PHRF1: variants seen among roughly 807,000 people sequenced by gnomAD.
The protein encoded by PHRF1 is PHD and RING finger domain-containing protein 1.
In PHRF1, 53 loss-of-function variants were observed where a neutral mutation model predicts 128.9. That is an observed-to-expected ratio of 0.41 (90% CI 0.33 to 0.52). PHRF1 has a LOEUF of 0.52. Ranked by LOEUF, PHRF1 falls within the 20% of genes least tolerant of loss-of-function variation. PHRF1 has a pLI of 0.21. For synonymous variants in PHRF1, 1,178 were observed against 980.6 expected (o/e 1.20, Z -3.76); for missense variants, 2,503 against 2,284.5 (o/e 1.10, Z -1.95).
At chr11:579,354 C>A (rs114206266) in intron 1 of PHRF1, among the ~76,000 whole-genome samples, 1 of 152,048 alleles carries the variant, frequency 6.6e-6, no homozygotes, top group East Asian at 1.9e-4. Context: ...AGATATGTTT[C>A]TCCAGGGCAG....
At chr11:581,655 C>T (rs780940957) in intron 2 of PHRF1, 49 bp downstream of exon 2, 3 of 1,519,480 alleles carry the variant, frequency 2.0e-6, no homozygotes, top group African/African-American at 1.4e-5. Context: ...GAGCAGGGTG[C>T]CTGGTGTTTC....
In PHRF1 at chr11:611,870, G is replaced by T; in HGVS notation, c.*93G>T. The stretch of plus-strand genomic sequence containing the variant: ...GAGCTGTCGGGAGTGGCGGGAATCG[G>T]GGCCATGCCCGGGGAGCTGTCGGGA... On this transcript the variant is annotated 3_prime_UTR_variant, in exon 18 of 18. Transcript: ENST00000264555. The T allele has an allele frequency of 6.7e-7, 1 of 1,492,446 alleles. No individual in the cohort carries two copies. The highest frequency in any genetic ancestry group is 2.2e-5 in the Admixed American group (1 of 45,726). The allele number at this position is 1,492,446 out of a possible 1,614,324, so 92.5% of individuals were successfully genotyped here.
In PHRF1 at chr11:597,585, C is replaced by G; in HGVS notation, c.894+15C>G. 6.2e-7 allele frequency: 1 copy of G among 1,605,728 alleles called. No individual in the cohort carries two copies. Among genetic ancestry groups the G allele is most frequent in the Non-Finnish European group, 8.5e-7 (1 of 1,176,902 alleles). ...GGAGGGTCCAGGTGGGTGGCCCAGCCCTGACGCCAGTCGTAGAACCCCAGC... is the reference window on the plus strand; with the variant it reads ...GGAGGGTCCAGGTGGGTGGCCCAGCGCTGACGCCAGTCGTAGAACCCCAGC... On this transcript the variant is annotated intron_variant, in intron 8 of 17. Transcript: ENST00000264555. The surrounding 1 kb of genome is among the most constrained non-coding windows in gnomAD (Gnocchi z 6.5).
chr11:611,594 G>A (rs974913242), intron 17 of PHRF1, 40 bp from the exon 18 acceptor site: 3 of 1,612,078 alleles, frequency 1.9e-6, no homozygotes, highest in East Asian at 4.5e-5. Flanking sequence ...GGAACATCTG[G>A]ATGTGAAAGG....
chr11:605,511 T>C (rs1855888434), intron 11 of PHRF1, 94 bp from the exon 12 acceptor site: 3 of 1,547,390 alleles, frequency 1.9e-6, no homozygotes, highest in African/African-American at 1.4e-5. Flanking sequence ...ACATGGCCAG[T>C]GCTCGGCCAT....
In PHRF1 at chr11:592,181, C is replaced by G. The variant is rs547055029; in HGVS notation, c.505-378C>G. 3.3e-5 allele frequency among the ~76,000 whole-genome samples: 5 copies of G among 151,408 alleles called. No individual in the cohort carries two copies. The East Asian group carries it at 9.7e-4, about 29-fold the overall frequency. ...CCACCCACCTCGGCCTCCCAAAGTG[C>G]TGGGATTACAGGCGTGAGCCAACGT... On this transcript the variant is annotated intron_variant, in intron 5 of 17. Transcript: ENST00000264555.
intron 15 of PHRF1, 26 bp downstream of exon 15, chr11:610,373 G>A (rs1589908960): frequency 6.5e-7 from 1 of 1,542,442 alleles, no homozygotes; most frequent in African/African-American, 1.4e-5. Context: ...GGAGGGCTGT[G>A]GGCCGTGGGC....
chr11:592,794 C>A (rs1373342018), intron 6 of PHRF1, 120 bp downstream of exon 6: 1 of 1,088,926 alleles, frequency 9.2e-7, no homozygotes, highest in Non-Finnish European at 1.4e-6. Flanking sequence ...GAGCTGTGCT[C>A]ACCACCCTCA....
intron 10 of PHRF1, among the ~76,000 whole-genome samples, chr11:602,438 TG>T (rs1463394740): frequency 1.3e-5 from 2 of 152,022 alleles, no homozygotes; most frequent in Non-Finnish European, 1.5e-5. Context: ...CCCACCACTT[TG>T]GGGGGCTGAG....
intron 1 of PHRF1, among the ~76,000 whole-genome samples, chr11:579,006 A>AT (rs1398470910): frequency 6.6e-6 from 1 of 152,008 alleles, no homozygotes; most frequent in Non-Finnish European, 1.5e-5. Flanking sequence ...TGCCCGGCTC[A>AT]TTTTTTCTAT....
chr11:586,606 G>A (rs572964069), intron 3 of PHRF1, among the ~76,000 whole-genome samples: 2 of 152,178 alleles, frequency 1.3e-5, no homozygotes, highest in Admixed American at 6.5e-5. Context: ...TTGGAGTTTG[G>A]TACAAAGAAG....
chr11:584,554 G>A (rs1297863597), intron 3 of PHRF1, among the ~76,000 whole-genome samples: 1 of 152,118 alleles, frequency 6.6e-6, no homozygotes, highest in African/African-American at 2.4e-5. Context: ...CACCTGAGGG[G>A]CAGGAGGAGG....
In PHRF1 at chr11:607,747, C is replaced by T; in HGVS notation, c.2291C>T (p.Pro764Leu). Residue 764 changes from proline (P) to leucine (L), a missense_variant, in exon 14 of 18, where the codon CCA becomes CTA. Transcript: ENST00000264555. Reference sequence around the variant, plus strand: ...CATGGCAGTTTGGCCCCACTGGGACCATCAAGAGGGAAAGGGGTCGGGTCG... The same window carrying T: ...CATGGCAGTTTGGCCCCACTGGGACTATCAAGAGGGAAAGGGGTCGGGTCG... ...SSHGSLAPLG[P>L]SRGKGVGSTF... 1 of 1,612,364 alleles carries T rather than the reference C, an allele frequency of 6.2e-7. No individual in the cohort carries two copies. The highest frequency in any genetic ancestry group is 8.5e-7 in the Non-Finnish European group (1 of 1,179,640).
Position 597,626 on chromosome 11 carries a change from C to G in PHRF1, c.894+56C>G. ...GAACCCCAGCTGCCCAGAGTGATCT[C>G]GGCAGTCTGGGTGGGTGGGAGGGGC... On this transcript the variant is annotated intron_variant, in intron 8 of 17. Coordinates refer to ENST00000264555, the MANE Select transcript of PHRF1 (RefSeq NM_001286581.2). The surrounding 1 kb of genome is among the most constrained non-coding windows in gnomAD (Gnocchi z 6.5). 8.7e-6 allele frequency: 12 copies of G among 1,376,130 alleles called. No individual in the cohort carries two copies. Among genetic ancestry groups the G allele is most frequent in the South Asian group, 1.2e-5 (1 of 80,582 alleles). The allele number at this position is 1,376,130 out of a possible 1,614,324, so 85.2% of individuals were successfully genotyped here.
At chr11:593,929 A>G (rs1855131981) in intron 6 of PHRF1, among the ~76,000 whole-genome samples, 1 of 152,042 alleles carries the variant, frequency 6.6e-6, no homozygotes, top group Middle Eastern at 3.2e-3. Context: ...TCACCTCCTC[A>G]GGGTTCCTGG....
chr11:588,164 C>T (rs1439107371), intron 4 of PHRF1, among the ~76,000 whole-genome samples: 1 of 152,178 alleles, frequency 6.6e-6, no homozygotes, highest in Non-Finnish European at 1.5e-5. Context: ...ACCGTGACCT[C>T]ACCCAGGGTT....
intron 1 of PHRF1, among the ~76,000 whole-genome samples, chr11:580,249 G>A (rs1215510821): frequency 2.0e-5 from 3 of 152,220 alleles, no homozygotes; most frequent in African/African-American, 7.2e-5. Context: ...AATGAACCAC[G>A]TGCACGTATC....
intron 3 of PHRF1, 81 bp from the exon 4 acceptor site, chr11:587,178 G>A (rs1564842519): frequency 8.6e-6 from 12 of 1,389,720 alleles, no homozygotes; most frequent in African/African-American, 1.4e-5. Context: ...TGTCCTGAGC[G>A]CAGCCTGGGC....
intron 3 of PHRF1, among the ~76,000 whole-genome samples, chr11:584,765 T>A (rs1321539793): frequency 6.8e-6 from 1 of 147,290 alleles, no homozygotes; most frequent in Non-Finnish European, 1.5e-5. Flanking sequence ...GAGACCGAGT[T>A]TCACTCTTGT....
Sources: gnomAD v4.1 joint callset for allele counts (sites outside exome capture counted in the v4.1 genomes callset) on GRCh38, gnomAD v4.1.1 for gene constraint, Gnocchi (gnomAD v3.1) non-coding constraint, MANE v1.5 for transcripts, NCBI Gene and HGNC (gene_info 2026-07-23, HGNC 2026-07-21) for gene names.